The following SETBP1 variants were observed in gnomAD, a reference collection of about 807,000 sequenced individuals.
SETBP1 encodes SET-binding protein.
In SETBP1, 9 loss-of-function variants were observed where a neutral mutation model predicts 101.0. The ratio of observed to expected loss-of-function variants is 0.09; its 90% CI spans 0.05 to 0.16. The LOEUF is 0.16. Ranked by LOEUF, SETBP1 falls within the 10% of genes least tolerant of loss-of-function variation. SETBP1 has a pLI of 1.00. For synonymous variants in SETBP1, 818 were observed against 788.5 expected, an observed-to-expected ratio of 1.04 and a Z score of -0.63; for missense variants, 1,858 against 2,033.8, an observed-to-expected ratio of 0.91 and a Z score of 1.66.
chr18:44,719,080 C>T (rs2069527943), intron 2 of SETBP1, among the ~76,000 whole-genome samples: 1 of 152,050 alleles, frequency 6.6e-6, no homozygotes, highest in Non-Finnish European at 1.5e-5. Flanking sequence ...ATGGGATGTC[C>T]TTGAAAGTCC....
intron 2 of SETBP1, among the ~76,000 whole-genome samples, chr18:44,835,285 G>C (rs28450858): frequency 6.6e-6 from 1 of 151,928 alleles, no homozygotes; most frequent in South Asian, 2.1e-4. Context: ...CCTTGGGTGC[G>C]GTGCATTTTA....
At chr18:44,953,489 C>T in intron 4 of SETBP1, 149 bp downstream of exon 4, 1 of 734,170 alleles carries the variant, frequency 1.4e-6, no homozygotes. Context: ...TTTGAGTTTG[C>T]TGCACATTTT....
At chr18:44,837,879 T>C (rs2072531047) in intron 2 of SETBP1, among the ~76,000 whole-genome samples, 1 of 152,170 alleles carries the variant, frequency 6.6e-6, no homozygotes, top group South Asian at 2.1e-4. Flanking sequence ...CAGTCGTGGG[T>C]GTATACAGAG....
chr18:44,682,788 C>G (rs529514914), intron 1 of SETBP1, among the ~76,000 whole-genome samples: 2 of 152,186 alleles, frequency 1.3e-5, no homozygotes, highest in African/African-American at 4.8e-5. Flanking sequence ...TTTCTCCTCC[C>G]CCGTTAAGGG....
chr18:44,698,789 G>A (rs1272516516), intron 1 of SETBP1, among the ~76,000 whole-genome samples: 1 of 152,118 alleles, frequency 6.6e-6, no homozygotes, highest in Non-Finnish European at 1.5e-5. Flanking sequence ...TAACTTCCTT[G>A]AGGAAAAAGA....
At chr18:44,880,777 A>G (rs2069513473) in intron 3 of SETBP1, among the ~76,000 whole-genome samples, 1 of 152,178 alleles carries the variant, frequency 6.6e-6, no homozygotes, top group East Asian at 1.9e-4. Context: ...GAGTACTCTT[A>G]TCACCAAGAG....
chr18:44,918,366 G>T (rs2070496367), intron 3 of SETBP1, among the ~76,000 whole-genome samples: 2 of 152,174 alleles, frequency 1.3e-5, no homozygotes. Flanking sequence ...GTTTCCCCAG[G>T]CCAGGCCTTC....
chr18:45,036,980 T>G (rs140784217), intron 4 of SETBP1, among the ~76,000 whole-genome samples: 99 of 152,336 alleles, frequency 6.5e-4, no homozygotes, highest in Middle Eastern at 3.4e-3. Flanking sequence ...ATGTGTTCCC[T>G]TCATCTGTAA....
intron 2 of SETBP1, among the ~76,000 whole-genome samples, chr18:44,838,836 C>T (rs2072552302): frequency 6.6e-6 from 1 of 152,152 alleles, no homozygotes; most frequent in Admixed American, 6.5e-5. Flanking sequence ...CCCCTCAGCC[C>T]CACCCCACAC....
At chr18:44,804,291 G>A (rs1023897945) in intron 2 of SETBP1, among the ~76,000 whole-genome samples, 1 of 152,104 alleles carries the variant, frequency 6.6e-6, no homozygotes, top group African/African-American at 2.4e-5. Context: ...ATGTAGATGG[G>A]CTTAGGCCAG....
intron 3 of SETBP1, among the ~76,000 whole-genome samples, chr18:44,894,604 A>G (rs981531061): frequency 6.6e-6 from 1 of 152,144 alleles, no homozygotes; most frequent in Admixed American, 6.5e-5. Flanking sequence ...AATGATATGT[A>G]TCTGAATATG....
chr18:44,949,795 TG>T (rs1256955280), intron 3 of SETBP1, 85 bp from the exon 4 acceptor site: 1 of 1,062,674 alleles, frequency 9.4e-7, no homozygotes, highest in African/African-American at 1.6e-5. Flanking sequence ...TTGAGACTTT[TG>T]ATGTCAAATA....
intron 5 of SETBP1, among the ~76,000 whole-genome samples, chr18:45,044,789 C>T (rs557350915): frequency 6.6e-6 from 1 of 152,294 alleles, no homozygotes; most frequent in South Asian, 2.1e-4. Flanking sequence ...ATGCAGAAGA[C>T]AGCATGGTGG....
At chr18:45,048,210 G>A (rs1233935867) in intron 5 of SETBP1, among the ~76,000 whole-genome samples, 2 of 152,028 alleles carry the variant, frequency 1.3e-5, no homozygotes, top group Admixed American at 6.5e-5. Flanking sequence ...CATCCCCTTA[G>A]GTAAGTCACA....
At chr18:44,821,349 G>T (rs2072111872) in intron 2 of SETBP1, among the ~76,000 whole-genome samples, 1 of 152,160 alleles carries the variant, frequency 6.6e-6, no homozygotes, top group African/African-American at 2.4e-5. Flanking sequence ...TGTCATTATG[G>T]TCACATCAGT....
chr18:44,707,986 A>G (rs1046455291), intron 2 of SETBP1, among the ~76,000 whole-genome samples: 6 of 152,184 alleles, frequency 3.9e-5, no homozygotes, highest in African/African-American at 1.4e-4. Flanking sequence ...TGTCCTGAGA[A>G]GCACATTTCT....
intron 4 of SETBP1, among the ~76,000 whole-genome samples, chr18:44,998,506 C>T (rs2072546979): frequency 6.6e-6 from 1 of 152,210 alleles, no homozygotes; most frequent in Non-Finnish European, 1.5e-5. Context: ...ACATATGTAC[C>T]GTTCAGTAGA....
At chr18:44,903,277 A>G (rs781216345) in intron 3 of SETBP1, among the ~76,000 whole-genome samples, 5 of 152,190 alleles carry the variant, frequency 3.3e-5, no homozygotes, top group Non-Finnish European at 7.3e-5. Flanking sequence ...TACTCTGGGC[A>G]GTGCCTCTCC....
chr18:44,835,184 G>A (rs892251446), intron 2 of SETBP1, among the ~76,000 whole-genome samples: 13 of 152,270 alleles, frequency 8.5e-5, no homozygotes, highest in African/African-American at 2.9e-4. Flanking sequence ...TCAGGTCACA[G>A]AGGAGTAGCC....
Sources: allele counts gnomAD v4.1 joint callset (sites outside exome capture counted in the v4.1 genomes callset), GRCh38; gene constraint gnomAD v4.1.1; transcripts MANE v1.5; gene names NCBI Gene and HGNC (gene_info 2026-07-23, HGNC 2026-07-21).